Variants in ABLIM2 observed in about 807,000 individuals in gnomAD.
The protein encoded by ABLIM2 is actin-binding LIM protein 2.
In ABLIM2, 53 loss-of-function variants were observed where a neutral mutation model predicts 97.7. The observed-to-expected ratio is 0.54, with a 90% CI of 0.44 to 0.68. The LOEUF (loss-of-function observed/expected upper bound fraction) is 0.68, where lower values mean the gene tolerates loss of function less well. ABLIM2 is among the 30% of genes least tolerant of loss of function. The pLI, the probability that ABLIM2 is intolerant of heterozygous loss-of-function variation, is 0.00. For missense variants in ABLIM2, 835 were observed against 867.2 expected, an observed-to-expected ratio of 0.96 and a Z score of 0.47; for synonymous variants, 361 against 345.8, an observed-to-expected ratio of 1.04 and a Z score of -0.49.
Position 7,986,283 on chromosome 4 carries a change from C to G in ABLIM2, c.1681-1390G>C, listed in dbSNP as rs960421241. Among the ~76,000 whole-genome samples the G allele has an allele frequency of 5.3e-5, 8 of 152,106 alleles. No homozygotes were observed. The highest frequency in any genetic ancestry group is 1.9e-4 in the African/African-American group (8 of 41,414). ...AAATCAGTGAGGAGCTGGTTACAGC[C>G]TAGAGAGCACGAGAGCAGGAAGACC... On this transcript the variant is annotated intron_variant, in intron 17 of 20. Coordinates refer to ENST00000447017, the MANE Select transcript of ABLIM2 (RefSeq NM_001130083.2). The surrounding 1 kb of genome is among the most constrained non-coding windows in gnomAD (Gnocchi z 4.3).
intron 6 of ABLIM2, among the ~76,000 whole-genome samples, chr4:8,073,867 C>A (rs550914704): frequency 6.6e-6 from 1 of 151,860 alleles, no homozygotes; most frequent in African/African-American, 2.4e-5. Context: ...GTAGGCAGAT[C>A]ACCTGAGGTC....
At position 7,998,936 on chromosome 4, in the gene ABLIM2, C is replaced by T. The variant is rs1045288446; in HGVS notation, c.1619-6009G>A. 2.8e-4 allele frequency among the ~76,000 whole-genome samples: 43 copies of T among 152,206 alleles called. No individual in the cohort carries two copies. The highest frequency in any genetic ancestry group is 1.0e-3 in the African/African-American group (42 of 41,436). On this transcript the variant is annotated intron_variant, in intron 16 of 20. Coordinates refer to ENST00000447017, the MANE Select transcript of ABLIM2 (RefSeq NM_001130083.2). The surrounding 1 kb of genome is among the most constrained non-coding windows in gnomAD (Gnocchi z 6.4). ...CAGAGAAGAGCAGAGAGAGACGAGG[C>T]GACACTATCTCACCCCCTGGACTGC...
intron 8 of ABLIM2, among the ~76,000 whole-genome samples, chr4:8,051,273 G>C (rs1795845275): frequency 6.6e-6 from 1 of 152,186 alleles, no homozygotes; most frequent in Non-Finnish European, 1.5e-5. Context: ...TAGGGGCCGG[G>C]CGTGGTAGCT....
intron 20 of ABLIM2, among the ~76,000 whole-genome samples, chr4:7,979,104 G>A (rs571042551): frequency 1.8e-4 from 28 of 152,322 alleles, no homozygotes; most frequent in Admixed American, 1.6e-3. Context: ...GCTGCCTGGC[G>A]TCCTCCTACT....
chr4:8,143,800 G>A (rs960764742), intron 1 of ABLIM2, among the ~76,000 whole-genome samples: 11 of 152,160 alleles, frequency 7.2e-5, no homozygotes, highest in East Asian at 1.9e-4. Flanking sequence ...TAGCCTCCCT[G>A]CCAAGCCTGT....
Position 8,071,400 on chromosome 4 carries a change from C to T in ABLIM2, c.675+6228G>A, listed in dbSNP as rs931688709. Among the ~76,000 whole-genome samples the T allele has an allele frequency of 7.2e-5, 11 of 152,268 alleles. No individual in the cohort carries two copies. Among genetic ancestry groups the T allele is most frequent in the Middle Eastern group, 6.8e-3 (2 of 294 alleles). On this transcript the variant is annotated intron_variant, in intron 6 of 20. Transcript: ENST00000447017. The surrounding 1 kb of genome is among the most constrained non-coding windows in gnomAD (Gnocchi z 6.2). ...GGCCAACATGCATGAGGGTGCTGCA[C>T]GTTTAGGAGAAACTGAGGGAGAGAC...
At chr4:7,967,302 CAGGGA>C (rs1256577219) in intron 20 of ABLIM2, among the ~76,000 whole-genome samples, 199 bp from the exon 21 acceptor site, 3 of 152,180 alleles carry the variant, frequency 2.0e-5, no homozygotes, top group Non-Finnish European at 2.9e-5. Flanking sequence ...GCGACCCTGC[CAGGGA>C]CACACAGCAC....
At position 8,069,522 on chromosome 4, in the gene ABLIM2, A is replaced by C. The variant is rs572447933; in HGVS notation, c.675+8106T>G. ...CTCTGATGCGCTGCCGGCATGAGGC[A>C]AGGCAGGAAGGCAGAGATGCGGCAA... On this transcript the variant is annotated intron_variant, in intron 6 of 20. Transcript: ENST00000447017. The surrounding 1 kb of genome is among the most constrained non-coding windows in gnomAD (Gnocchi z 4.2). Among the ~76,000 whole-genome samples the C allele has an allele frequency of 1.3e-3, 193 of 152,288 alleles. No individual in the cohort carries two copies. Among genetic ancestry groups the C allele is most frequent in the African/African-American group, 4.4e-3 (185 of 41,576 alleles).
At chr4:8,114,804 C>T (rs546026300) in intron 1 of ABLIM2, among the ~76,000 whole-genome samples, 205 of 152,200 alleles carry the variant, frequency 1.3e-3, no homozygotes, top group African/African-American at 4.7e-3. Flanking sequence ...GCCACCGCCC[C>T]GTCCCCAAAC....
rs558607944 is a variant in ABLIM2 at position 8,071,319 on chromosome 4, G to A, written c.675+6309C>T. 7.6e-4 allele frequency among the ~76,000 whole-genome samples: 115 copies of A among 152,138 alleles called. No homozygotes were observed. The highest frequency in any genetic ancestry group is 2.5e-3 in the African/African-American group (102 of 41,490). On this transcript the variant is annotated intron_variant, in intron 6 of 20. Coordinates refer to ENST00000447017, the MANE Select transcript of ABLIM2 (RefSeq NM_001130083.2). The surrounding 1 kb of genome is among the most constrained non-coding windows in gnomAD (Gnocchi z 6.2). ...ATCAGCCCCTCCCATGCCCCCACAGGACCCCAGCAAGGAGCCGGCTCATCA... is the reference window on the plus strand; with the variant it reads ...ATCAGCCCCTCCCATGCCCCCACAGAACCCCAGCAAGGAGCCGGCTCATCA...
rs1771998926 is a variant in ABLIM2, at chr4:8,019,517, A to G, written c.1423+101T>C. 2.5e-6 allele frequency: 3 copies of G among 1,201,982 alleles called. No individual in the cohort carries two copies. Among genetic ancestry groups the G allele is most frequent in the South Asian group, 2.9e-5 (2 of 69,852 alleles). 74.5% of individuals were successfully genotyped at this position (1,201,982 alleles called of 1,614,324 possible). A position where few individuals can be genotyped will look rare whatever the true frequency, so the allele number is the denominator to read the frequency against. ...TGCTAAGGGCCTTGGTGGTGCCTTC[A>G]CTGCATTTATCAGAACACAACAAAA... On this transcript the variant is annotated intron_variant, in intron 14 of 20. Coordinates refer to ENST00000447017, the MANE Select transcript of ABLIM2 (RefSeq NM_001130083.2). The surrounding 1 kb of genome is among the most constrained non-coding windows in gnomAD (Gnocchi z 4.3).
rs1755378445 is a variant in ABLIM2, at chr4:7,999,112, CTGG to C, written c.1619-6188_1619-6186del. ...CGGAGTTTTGTTCTTGTTCCCCGGG[CTGG>C]AGTACAATGGCGTGATCTTGGCTCA... is the stretch of plus-strand genomic sequence containing the variant. On this transcript the variant is annotated intron_variant, in intron 16 of 20. Transcript: ENST00000447017. This position sits in a 1 kb window ranked among gnomAD's most constrained non-coding sequence, Gnocchi z 4.4. 6.6e-6 allele frequency among the ~76,000 whole-genome samples: 1 copy of C among 152,116 alleles called. No homozygotes were observed. The highest frequency in any genetic ancestry group is 1.5e-5 in the Non-Finnish European group (1 of 68,028).
rs1393532397 is a variant in ABLIM2, at chr4:8,148,990, G to A, written c.10+9690C>T. Among the ~76,000 whole-genome samples the A allele has an allele frequency of 1.3e-5, 2 of 152,228 alleles. No individual in the cohort carries two copies. The highest frequency in any genetic ancestry group is 2.1e-4 in the South Asian group (1 of 4,826). ...AAGGCCCAGGGTCCCCAGACACTAC[G>A]GAGAGTCAGGCCACGCTGAGATCTG... On this transcript the variant is annotated intron_variant, in intron 1 of 20. Coordinates refer to ENST00000447017, the MANE Select transcript of ABLIM2 (RefSeq NM_001130083.2). The surrounding 1 kb of genome is among the most constrained non-coding windows in gnomAD (Gnocchi z 6.7).
At chr4:8,076,768 G>A (rs2001269) in intron 6 of ABLIM2, among the ~76,000 whole-genome samples, 77,494 of 82,362 alleles carry the variant, frequency 0.94, 36,587 homozygotes, top group East Asian at 1. Context: ...AGGGTGGGCT[G>A]CAGGGTGGGG....
chr4:8,152,945 T>C (rs1377218225), intron 1 of ABLIM2, among the ~76,000 whole-genome samples: 2 of 151,916 alleles, frequency 1.3e-5, no homozygotes, highest in Non-Finnish European at 2.9e-5. Flanking sequence ...CACTTCAAGG[T>C]AGGTTTTACG....
intron 1 of ABLIM2, among the ~76,000 whole-genome samples, chr4:8,115,007 A>C (rs191564767): frequency 6.6e-6 from 1 of 152,160 alleles, no homozygotes; most frequent in African/African-American, 2.4e-5. Context: ...CCAGGAGTGC[A>C]GTCTGGCTTC....
intron 14 of ABLIM2, among the ~76,000 whole-genome samples, chr4:8,011,264 C>G (rs1193897391): frequency 2.0e-5 from 3 of 151,980 alleles, no homozygotes; most frequent in Non-Finnish European, 4.4e-5. Flanking sequence ...GAGGGATGCT[C>G]TGCCAAGATT....
intron 2 of ABLIM2, among the ~76,000 whole-genome samples, chr4:8,097,885 G>A (rs1378962108): frequency 6.6e-6 from 1 of 152,112 alleles, no homozygotes; most frequent in Non-Finnish European, 1.5e-5. Flanking sequence ...TGCAGGAGGA[G>A]AGAGCCTGTG....
In ABLIM2 at chr4:8,005,428, C is replaced by T. The variant is rs767711037; in HGVS notation, c.1618+2631G>A. ...CTTGGGCGCGCTACAGATGGACGTCCCGGGGTGCAGGTGGCGTGCCTTGCT... is the reference window on the plus strand; with the variant it reads ...CTTGGGCGCGCTACAGATGGACGTCTCGGGGTGCAGGTGGCGTGCCTTGCT... On this transcript the variant is annotated intron_variant, in intron 16 of 20. Transcript: ENST00000447017. This position sits in a 1 kb window ranked among gnomAD's most constrained non-coding sequence, Gnocchi z 4.9. 1 of 533,352 alleles carries T rather than the reference C, an allele frequency of 1.9e-6. No individual in the cohort carries two copies. Among genetic ancestry groups the T allele is most frequent in the South Asian group, 1.4e-5 (1 of 71,532 alleles). 33.0% of individuals were successfully genotyped at this position (533,352 alleles called of 1,614,324 possible). A position where few individuals can be genotyped will look rare whatever the true frequency, so the allele number is the denominator to read the frequency against.
Sources: gnomAD v4.1 joint callset for allele counts (sites outside exome capture counted in the v4.1 genomes callset) on GRCh38, gnomAD v4.1.1 for gene constraint, Gnocchi (gnomAD v3.1) non-coding constraint, MANE v1.5 for transcripts, NCBI Gene and HGNC (gene_info 2026-07-23, HGNC 2026-07-21) for gene names.